The following IFT43 variants were observed in gnomAD, a reference collection of about 807,000 sequenced individuals.
IFT43 encodes intraflagellar transport 43.
In IFT43, 33 loss-of-function variants were observed where a neutral mutation model predicts 32.3. The observed-to-expected ratio is 1.02, with a 90% CI of 0.77 to 1.37. The LOEUF (loss-of-function observed/expected upper bound fraction) is 1.37. Among genes scored for constraint, IFT43 ranks in the 40% most tolerant of loss-of-function variants. The pLI, the probability that IFT43 is intolerant of heterozygous loss-of-function variation, is 0.00. For synonymous variants in IFT43, 93 were observed against 98.2 expected (o/e 0.95, Z 0.31); for missense variants, 274 against 265.9 (o/e 1.03, Z -0.21).
At chr14:76,077,010 G>C (rs1479341360) in intron 5 of IFT43, among the ~76,000 whole-genome samples, 1 of 151,964 alleles carries the variant, frequency 6.6e-6, no homozygotes. Context: ...TTCCCATTTG[G>C]CAATCTCTCT....
chr14:75,999,558 C>T (rs1273155223), intron 2 of IFT43, among the ~76,000 whole-genome samples: 1 of 151,880 alleles, frequency 6.6e-6, no homozygotes, highest in Non-Finnish European at 1.5e-5. Flanking sequence ...AAGTGGGGAA[C>T]CACACACCTA....
intron 3 of IFT43, among the ~76,000 whole-genome samples, chr14:76,031,877 T>C (rs2036515210): frequency 6.6e-6 from 1 of 152,180 alleles, no homozygotes; most frequent in Non-Finnish European, 1.5e-5. Flanking sequence ...ACTCACTTTC[T>C]GCATGATCTC....
At chr14:76,062,237 A>AT (rs371805495) in intron 5 of IFT43, among the ~76,000 whole-genome samples, 2,977 of 151,466 alleles carry the variant, frequency 0.02, 63 homozygotes, top group African/African-American at 0.048. Context: ...CGCCCAGCTA[A>AT]TTTTTTGTAT....
chr14:76,007,524 C>G (rs1457324258), intron 2 of IFT43, among the ~76,000 whole-genome samples: 2 of 152,174 alleles, frequency 1.3e-5, no homozygotes, highest in Admixed American at 1.3e-4. Flanking sequence ...TCATTCCATC[C>G]TGGCTTTGGT....
intron 2 of IFT43, among the ~76,000 whole-genome samples, chr14:76,018,161 CTT>C (rs796486492): frequency 1.5e-4 from 21 of 141,482 alleles, no homozygotes; most frequent in Non-Finnish European, 7.8e-5. Context: ...AGAATCTTTC[CTT>C]TTTTTTTTTG....
Position 76,040,658 on chromosome 14 carries a change from A to C in IFT43, c.216-17984A>C, listed in dbSNP as rs187094012. On this transcript the variant is annotated intron_variant, in intron 3 of 8. Transcript: ENST00000314067. ...ACTTAGGCAAATGACTAAGCATGAA[A>C]TCTCTGGACTCTTGCACTTCTGTTG... is the stretch of plus-strand genomic sequence containing the variant. Among the ~76,000 whole-genome samples, 4 of 152,356 alleles carry C rather than the reference A, an allele frequency of 2.6e-5. No homozygotes were observed. The East Asian group carries it at 7.7e-4, about 29-fold the overall frequency.
chr14:76,082,414 A>C (rs2037528147), intron 6 of IFT43, 47 bp downstream of exon 6: 1 of 1,274,104 alleles, frequency 7.8e-7, no homozygotes, highest in South Asian at 1.2e-5. Flanking sequence ...CACGTGAATT[A>C]ATACACTCCA....
intron 2 of IFT43, among the ~76,000 whole-genome samples, chr14:75,999,262 TATA>T (rs2035826327): frequency 7.9e-5 from 2 of 25,290 alleles, no homozygotes; most frequent in Admixed American, 5.4e-4. Flanking sequence ...TATATATATA[TATA>T]TATATATGTA....
chr14:75,988,995 AG>A lies in IFT43; in HGVS notation c.147+19del. 4.3e-6 allele frequency: 7 copies of A among 1,613,018 alleles called. No homozygotes were observed. Among genetic ancestry groups the A allele is most frequent in the Non-Finnish European group, 5.1e-6 (6 of 1,179,438 alleles). ...CTGGAGAGGTGGGTGCTAAAAAAAA[AG>A]AAAATCTGAAGAAATACTGTTTAAG... On this transcript the variant is annotated intron_variant, in intron 2 of 8. Transcript: ENST00000314067.
intron 2 of IFT43, among the ~76,000 whole-genome samples, chr14:76,020,066 C>T (rs1294914649): frequency 6.6e-6 from 1 of 152,074 alleles, no homozygotes; most frequent in Non-Finnish European, 1.5e-5. Context: ...CCTCTGACTT[C>T]CTGGTTCAAG....
intron 1 of IFT43, 111 bp downstream of exon 1, chr14:75,985,951 G>A: frequency 6.5e-7 from 1 of 1,539,990 alleles, no homozygotes; most frequent in South Asian, 1.2e-5. Context: ...CTCGCGCCGC[G>A]CCGGGTGAGG....
intron 5 of IFT43, among the ~76,000 whole-genome samples, chr14:76,074,868 C>T (rs2037385035): frequency 6.6e-6 from 1 of 152,208 alleles, no homozygotes; most frequent in East Asian, 1.9e-4. Flanking sequence ...TCAGTCCAAA[C>T]CCCCCTCCCC....
chr14:76,009,715 A>C (rs1277647245), intron 2 of IFT43, among the ~76,000 whole-genome samples: 2 of 152,210 alleles, frequency 1.3e-5, no homozygotes, highest in Non-Finnish European at 2.9e-5. Flanking sequence ...TTCTAGCATG[A>C]AGAAGAACCC....
chr14:76,020,218 C>T (rs1390112334), intron 2 of IFT43, among the ~76,000 whole-genome samples: 1 of 152,138 alleles, frequency 6.6e-6, no homozygotes, highest in Non-Finnish European at 1.5e-5. Context: ...TGTGATCTGC[C>T]CGTCTTGGCC....
chr14:76,064,666 G>A (rs1388879723), intron 5 of IFT43, among the ~76,000 whole-genome samples: 1 of 152,202 alleles, frequency 6.6e-6, no homozygotes, highest in East Asian at 1.9e-4. Context: ...TCTTTGGACA[G>A]CCTCAGTCCC....
chr14:76,068,013 T>C (rs531066693), intron 5 of IFT43, among the ~76,000 whole-genome samples: 3 of 152,298 alleles, frequency 2.0e-5, no homozygotes, highest in Admixed American at 1.3e-4. Context: ...CACAGAACTT[T>C]GTTGGGGGGA....
At chr14:76,043,953 C>T (rs1159417361) in intron 3 of IFT43, among the ~76,000 whole-genome samples, 2 of 152,096 alleles carry the variant, frequency 1.3e-5, no homozygotes, top group Non-Finnish European at 2.9e-5. Flanking sequence ...CCCTTTCCAG[C>T]TTGATTAATT....
In IFT43 at chr14:75,986,061, A is replaced by G. The variant is rs2035518215; in HGVS notation, c.54+221A>G. 2.0e-6 allele frequency: 3 copies of G among 1,505,228 alleles called. No homozygotes were observed. In the South Asian group the frequency reaches 3.6e-5, roughly 18 times the overall value. 93.2% of individuals were successfully genotyped at this position (1,505,228 alleles called of 1,614,324 possible). ...TTCTTTAAAATCCTCAGAAAGTAGA[A>G]AACACCCTGTCCCCGCCGGCGTCTA... On this transcript the variant is annotated intron_variant, in intron 1 of 8. Coordinates refer to ENST00000314067, the MANE Select transcript of IFT43 (RefSeq NM_001102564.3).
intron 3 of IFT43, among the ~76,000 whole-genome samples, chr14:76,046,818 A>T (rs147709284): frequency 1.8e-4 from 27 of 152,242 alleles, no homozygotes; most frequent in Admixed American, 2.0e-4. Flanking sequence ...GCCAGAACCT[A>T]TGAAACTTTG....
Sources: allele counts gnomAD v4.1 joint callset (sites outside exome capture counted in the v4.1 genomes callset), GRCh38; gene constraint gnomAD v4.1.1; transcripts MANE v1.5; gene names NCBI Gene and HGNC (gene_info 2026-07-23, HGNC 2026-07-21).